The following FRK variants were observed in gnomAD, a reference collection of about 807,000 sequenced individuals.
FRK encodes the protein fyn related Src family tyrosine kinase.
A neutral mutation model predicts 56.4 loss-of-function variants in FRK; 51 were observed. That is an observed-to-expected ratio of 0.90 (90% confidence interval 0.72 to 1.14). The LOEUF (loss-of-function observed/expected upper bound fraction) is 1.14. Ranked by LOEUF, FRK falls within the 50% of genes most tolerant of loss-of-function variation. The pLI, the probability that FRK is intolerant of heterozygous loss-of-function variation, is 0.00. For synonymous variants in FRK, 245 were observed against 217.9 expected (o/e 1.12, Z -1.10); for missense variants, 570 against 601.4 (o/e 0.95, Z 0.55).
At chr6:115,970,183 G>GA (rs1354628181) in intron 2 of FRK, among the ~76,000 whole-genome samples, 1 of 151,212 alleles carries the variant, frequency 6.6e-6, no homozygotes, top group African/African-American at 2.4e-5. Context: ...AAGCTAAAAT[G>GA]AAAAAAGTAT....
At chr6:116,076,663 A>G in the FRK span, among the ~76,000 whole-genome samples, 3 of 152,156 alleles carry the variant, frequency 2.0e-5, no homozygotes, top group Admixed American at 6.5e-5. Context: ...AGTGAGCTTA[A>G]CTGCTCAAGG....
intron 2 of FRK, among the ~76,000 whole-genome samples, chr6:115,998,453 C>A (rs1306857670): frequency 2.6e-5 from 4 of 152,164 alleles, no homozygotes; most frequent in Non-Finnish European, 5.9e-5. Context: ...CCTTCATCCA[C>A]TCCCCACATG....
Position 115,967,672 on chromosome 6 carries a change from T to C in FRK, c.678A>G (p.Gln226=), listed in dbSNP as rs867808146. 2 of 1,613,382 alleles carry C rather than the reference T, an allele frequency of 1.2e-6. No homozygotes were observed. Among genetic ancestry groups the C allele is most frequent in the South Asian group, 1.1e-5 (1 of 91,022 alleles). ...PFDLSYKTVD[Q]WEIDRNSIQL... ...GTATGGAGTTGCGGTCTATCTCCCA[T>C]TGGTCCACGGTTTTATACGACAAAT... The change falls in exon 4 of 8, where the codon CAA becomes CAG. Residue 226 remains glutamine (Q), a synonymous_variant. Coordinates refer to ENST00000606080, the MANE Select transcript of FRK (RefSeq NM_002031.3).
chr6:116,028,001 T>G (rs992219864), intron 1 of FRK, among the ~76,000 whole-genome samples: 2 of 152,042 alleles, frequency 1.3e-5, no homozygotes, highest in Non-Finnish European at 2.9e-5. Flanking sequence ...AATAAGTGCC[T>G]ATATGGTAGG....
chr6:115,953,526 G>A (rs545989107), intron 5 of FRK, among the ~76,000 whole-genome samples: 4 of 152,162 alleles, frequency 2.6e-5, no homozygotes, highest in Admixed American at 2.6e-4. Flanking sequence ...TCTTGACTGG[G>A]GAAGGGGCTA....
At chr6:116,051,802 A>C (rs1431318505) in intron 1 of FRK, among the ~76,000 whole-genome samples, 1 of 152,162 alleles carries the variant, frequency 6.6e-6, no homozygotes, top group African/African-American at 2.4e-5. Context: ...GAAAACTAGT[A>C]AAAAGAAGAT....
At chr6:116,072,068 T>C in the FRK span, among the ~76,000 whole-genome samples, 213 of 152,276 alleles carry the variant, frequency 1.4e-3, 2 homozygotes, top group Non-Finnish European at 5.3e-4. Flanking sequence ...TAAATAGAAT[T>C]TGTGAAACTA....
chr6:116,013,145 G>A (rs1447084476), intron 1 of FRK, among the ~76,000 whole-genome samples: 5 of 152,072 alleles, frequency 3.3e-5, no homozygotes, highest in Non-Finnish European at 7.4e-5. Flanking sequence ...GGGAAGTCAG[G>A]TGAACTCATT....
chr6:116,052,567 T>C (rs868196011), intron 1 of FRK, among the ~76,000 whole-genome samples: 1 of 151,972 alleles, frequency 6.6e-6, no homozygotes, highest in Non-Finnish European at 1.5e-5. Context: ...AAATTAGCAG[T>C]AAAGACAAAG....
upstream of FRK, among the ~76,000 whole-genome samples, chr6:116,062,018 G>GAAAGAAAAGA (rs138011154): frequency 2.0e-5 from 3 of 151,162 alleles, no homozygotes; most frequent in Admixed American, 6.6e-5. Context: ...AAGAAAGAAA[G>GAAAGAAAAGA]AAAGAAAAGA....
intron 2 of FRK, among the ~76,000 whole-genome samples, chr6:116,001,172 A>G (rs899606438): frequency 6.6e-6 from 1 of 151,034 alleles, no homozygotes; most frequent in African/African-American, 2.4e-5. Context: ...CAGAAGGGAG[A>G]GGTTGCAGTG....
chr6:116,044,773 A>T (rs990085474), intron 1 of FRK, among the ~76,000 whole-genome samples: 2 of 152,236 alleles, frequency 1.3e-5, no homozygotes, highest in African/African-American at 4.8e-5. Flanking sequence ...GTATTCAAAT[A>T]GGAAGAGAGG....
At chr6:116,055,452 A>G (rs1777353005) in intron 1 of FRK, among the ~76,000 whole-genome samples, 1 of 152,224 alleles carries the variant, frequency 6.6e-6, no homozygotes, top group South Asian at 2.1e-4. Context: ...AGAGGAGAAG[A>G]AAAACTTTCT....
At chr6:115,996,514 G>A (rs1339181868) in intron 2 of FRK, among the ~76,000 whole-genome samples, 2 of 152,078 alleles carry the variant, frequency 1.3e-5, no homozygotes, top group Non-Finnish European at 2.9e-5. Context: ...TTATTACCTG[G>A]AAAAAACTGA....
intron 2 of FRK, among the ~76,000 whole-genome samples, chr6:116,000,253 T>TAC: frequency 2.0e-5 from 1 of 51,160 alleles, no homozygotes; most frequent in African/African-American, 8.1e-5. Flanking sequence ...TTTTTTTTTT[T>TAC]TTTTTTTGAG....
intron 5 of FRK, among the ~76,000 whole-genome samples, chr6:115,956,222 T>C (rs1472237153): frequency 6.6e-6 from 1 of 152,200 alleles, no homozygotes; most frequent in Non-Finnish European, 1.5e-5. Flanking sequence ...CCCTAATATA[T>C]CTGTTGTGAA....
the FRK span, among the ~76,000 whole-genome samples, chr6:116,082,295 G>A: frequency 1.3e-3 from 196 of 152,298 alleles, 1 homozygote; most frequent in Non-Finnish European, 2.4e-3. Context: ...TTCTGAGTGA[G>A]GCTAAAAGCC....
intron 1 of FRK, among the ~76,000 whole-genome samples, chr6:116,040,921 TA>T (rs1360976774): frequency 6.6e-6 from 1 of 152,146 alleles, no homozygotes; most frequent in Non-Finnish European, 1.5e-5. Flanking sequence ...TATTTTATAA[TA>T]CTAAAAATTT....
intron 2 of FRK, among the ~76,000 whole-genome samples, chr6:115,980,133 C>T (rs371315730): frequency 4.6e-5 from 7 of 151,884 alleles, no homozygotes; most frequent in East Asian, 1.9e-4. Context: ...TCCATTAAGA[C>T]GGACCAGTTA....
Sources: allele counts gnomAD v4.1 joint callset (sites outside exome capture counted in the v4.1 genomes callset), GRCh38; gene constraint gnomAD v4.1.1; transcripts MANE v1.5; gene names NCBI Gene and HGNC (gene_info 2026-07-23, HGNC 2026-07-21).